PLXDC2: variants seen among roughly 807,000 people sequenced by gnomAD.
PLXDC2 encodes the protein plexin domain-containing protein 2.
In PLXDC2, 40 loss-of-function variants were observed where a neutral mutation model predicts 68.9. The ratio of observed to expected loss-of-function variants is 0.58; its 90% CI spans 0.45 to 0.76. The LOEUF (loss-of-function observed/expected upper bound fraction) is 0.76. Ranked by LOEUF, PLXDC2 falls within the 30% of genes least tolerant of loss-of-function variation. The pLI is 0.00. For synonymous variants in PLXDC2, 243 were observed against 234.2 expected, an observed-to-expected ratio of 1.04 and a Z score of -0.34; for missense variants, 644 against 661.9, an observed-to-expected ratio of 0.97 and a Z score of 0.30.
chr10:20,088,980 C>T (rs1833238106), intron 4 of PLXDC2, among the ~76,000 whole-genome samples: 1 of 152,266 alleles, frequency 6.6e-6, no homozygotes, highest in Admixed American at 6.5e-5. Context: ...AAGCTGGGCT[C>T]ACAACTCATT....
intron 7 of PLXDC2, among the ~76,000 whole-genome samples, chr10:20,169,397 A>G (rs1290050809): frequency 6.6e-6 from 1 of 152,198 alleles, no homozygotes; most frequent in East Asian, 1.9e-4. Context: ...AAGTTTTAAC[A>G]CCGTCATATA....
At chr10:20,190,995 GATGC>G (rs1834757567) in intron 9 of PLXDC2, among the ~76,000 whole-genome samples, 1 of 151,872 alleles carries the variant, frequency 6.6e-6, no homozygotes, top group Non-Finnish European at 1.5e-5. Context: ...CTGAGTCGGA[GATGC>G]AATCTTACCC....
chr10:19,822,946 C>T (rs192827511), intron 1 of PLXDC2, among the ~76,000 whole-genome samples: 168 of 151,732 alleles, frequency 1.1e-3, no homozygotes, highest in African/African-American at 3.8e-3. Context: ...GACAGAGTCT[C>T]GCTGTTTCTC....
intron 3 of PLXDC2, among the ~76,000 whole-genome samples, chr10:20,055,839 C>T (rs1242064672): frequency 1.3e-5 from 2 of 152,034 alleles, no homozygotes; most frequent in African/African-American, 4.8e-5. Flanking sequence ...TACTTTTGCT[C>T]TAATCAAATT....
chr10:19,832,770 A>G (rs1186877057), intron 1 of PLXDC2, among the ~76,000 whole-genome samples: 1 of 152,188 alleles, frequency 6.6e-6, no homozygotes, highest in South Asian at 2.1e-4. Context: ...TGGTTGCACA[A>G]GGGAGCCGGG....
chr10:20,165,904 G>T (rs755019706), intron 7 of PLXDC2, among the ~76,000 whole-genome samples: 11 of 152,074 alleles, frequency 7.2e-5, no homozygotes, highest in Non-Finnish European at 1.6e-4. Context: ...TTCACTCCAA[G>T]AACAGTCCCG....
chr10:19,913,163 G>A (rs1288801957), intron 1 of PLXDC2, among the ~76,000 whole-genome samples: 1 of 152,126 alleles, frequency 6.6e-6, no homozygotes, highest in Non-Finnish European at 1.5e-5. Flanking sequence ...ATCTCAAGTC[G>A]ATTTGTAATC....
chr10:20,279,874 T>G lies in PLXDC2; in HGVS notation c.*55T>G. The stretch of plus-strand genomic sequence containing the variant: ...GGTTTACAGGTGTTAAGACTAAAAT[T>G]TTGCCTATACCTTTAAGACAAACAA... On this transcript the variant is annotated 3_prime_UTR_variant, in exon 14 of 14. Transcript: ENST00000377252. 6.8e-7 allele frequency: 1 copy of G among 1,464,136 alleles called. No individual in the cohort carries two copies. The highest frequency in any genetic ancestry group is 9.5e-7 in the Non-Finnish European group (1 of 1,047,230). 90.7% of individuals were successfully genotyped at this position (1,464,136 alleles called of 1,614,324 possible).
At chr10:20,277,125 C>T (rs1389463414) in intron 13 of PLXDC2, among the ~76,000 whole-genome samples, 1 of 142,496 alleles carries the variant, frequency 7.0e-6, no homozygotes, top group Non-Finnish European at 1.5e-5. Flanking sequence ...AAGAGAATCG[C>T]TTGAACCCAG....
intron 9 of PLXDC2, among the ~76,000 whole-genome samples, chr10:20,190,939 T>C (rs1834756981): frequency 1.3e-5 from 2 of 151,980 alleles, no homozygotes; most frequent in African/African-American, 4.8e-5. Flanking sequence ...ACTTAAGATT[T>C]TGATTGTGTT....
intron 1 of PLXDC2, among the ~76,000 whole-genome samples, chr10:19,913,901 A>C (rs1333458846): frequency 6.6e-6 from 1 of 152,142 alleles, no homozygotes; most frequent in Non-Finnish European, 1.5e-5. Flanking sequence ...TACCCGAATC[A>C]TCAGAGTAGT....
At chr10:20,245,300 G>A (rs752846416) in intron 12 of PLXDC2, 45 bp from the exon 13 acceptor site, 68 of 1,540,642 alleles carry the variant, frequency 4.4e-5, no homozygotes, top group Non-Finnish European at 5.6e-5. Flanking sequence ...ATGCAAACTT[G>A]AGGGTAAACT....
intron 9 of PLXDC2, among the ~76,000 whole-genome samples, chr10:20,192,663 C>T (rs1834782265): frequency 6.6e-6 from 1 of 151,870 alleles, no homozygotes; most frequent in Non-Finnish European, 1.5e-5. Context: ...ATTTATATTT[C>T]TACAGCACCC....
intron 1 of PLXDC2, among the ~76,000 whole-genome samples, chr10:19,986,106 T>A (rs1834633649): frequency 6.6e-6 from 1 of 152,212 alleles, no homozygotes; most frequent in African/African-American, 2.4e-5. Flanking sequence ...AATGAATGGA[T>A]GAATTTACAT....
At chr10:19,873,064 A>G (rs1007479243) in intron 1 of PLXDC2, among the ~76,000 whole-genome samples, 3 of 152,216 alleles carry the variant, frequency 2.0e-5, no homozygotes, top group East Asian at 1.9e-4. Context: ...CGGTCGGTAC[A>G]GGTTCAAAAC....
At chr10:20,170,078 A>G (rs1834426932) in intron 7 of PLXDC2, among the ~76,000 whole-genome samples, 1 of 152,236 alleles carries the variant, frequency 6.6e-6, no homozygotes, top group Non-Finnish European at 1.5e-5. Context: ...GACAACTAGC[A>G]GAGCAAATAT....
intron 3 of PLXDC2, among the ~76,000 whole-genome samples, chr10:20,060,605 G>A (rs1836085084): frequency 6.6e-6 from 1 of 151,962 alleles, no homozygotes; most frequent in Admixed American, 6.6e-5. Flanking sequence ...AGCCCAGCTT[G>A]CTGCTCTGTT....
chr10:20,149,955 T>C (rs1049673989), intron 6 of PLXDC2, among the ~76,000 whole-genome samples: 1 of 152,138 alleles, frequency 6.6e-6, no homozygotes, highest in Non-Finnish European at 1.5e-5. Context: ...TTTAGAGTAG[T>C]TTTAGATTCA....
intron 13 of PLXDC2, among the ~76,000 whole-genome samples, chr10:20,262,046 C>A (rs1388612333): frequency 6.6e-6 from 1 of 152,108 alleles, no homozygotes; most frequent in Non-Finnish European, 1.5e-5. Flanking sequence ...ACATCCAGGT[C>A]CTCTCACTGG....
Sources: gnomAD v4.1 joint callset for allele counts (sites outside exome capture counted in the v4.1 genomes callset) on GRCh38, gnomAD v4.1.1 for gene constraint, MANE v1.5 for transcripts, NCBI Gene and HGNC (gene_info 2026-07-23, HGNC 2026-07-21) for gene names.